Variants in ATCAY observed in about 807,000 individuals in gnomAD.
The protein encoded by ATCAY is caytaxin.
ATCAY carries 22 observed loss-of-function variants against 47.7 expected under a neutral mutation model. The ratio of observed to expected loss-of-function variants is 0.46; its 90% CI spans 0.33 to 0.66. The LOEUF is 0.66. ATCAY is among the 30% of genes least tolerant of loss of function. ATCAY has a pLI of 0.02. For missense variants in ATCAY, 452 were observed against 515.0 expected (o/e 0.88, Z 1.18); for synonymous variants, 216 against 207.6 (o/e 1.04, Z -0.35).
intron 1 of ATCAY, among the ~76,000 whole-genome samples, chr19:3,884,465 C>T (rs942212421): frequency 5.9e-5 from 9 of 152,020 alleles, no homozygotes; most frequent in Non-Finnish European, 8.8e-5. Context: ...TGGCAGATAG[C>T]GATGGGTTAG....
intron 2 of ATCAY, among the ~76,000 whole-genome samples, chr19:3,900,368 T>C (rs563882499): frequency 2.0e-5 from 3 of 151,878 alleles, no homozygotes; most frequent in Non-Finnish European, 4.4e-5. Flanking sequence ...TTGTAATTTT[T>C]GTAGAGACAG....
At chr19:3,894,241 T>C (rs2038744879) in intron 2 of ATCAY, among the ~76,000 whole-genome samples, 1 of 151,654 alleles carries the variant, frequency 6.6e-6, no homozygotes, top group South Asian at 2.1e-4. Context: ...TCCCAGCACT[T>C]TGGGAGGCCG....
At chr19:3,912,129 C>G (rs1181549418) in intron 8 of ATCAY, among the ~76,000 whole-genome samples, 2 of 152,022 alleles carry the variant, frequency 1.3e-5, no homozygotes, top group African/African-American at 2.4e-5. Context: ...GAGGTTCTTG[C>G]CATATTTTCA....
intron 2 of ATCAY, among the ~76,000 whole-genome samples, chr19:3,895,374 C>T (rs2038760265): frequency 6.6e-6 from 1 of 152,090 alleles, no homozygotes; most frequent in African/African-American, 2.4e-5. Context: ...ACCACCACAC[C>T]CAGCTAATTT....
At chr19:3,903,665 A>G (rs2038834043) in intron 3 of ATCAY, among the ~76,000 whole-genome samples, 1 of 151,766 alleles carries the variant, frequency 6.6e-6, no homozygotes, top group Non-Finnish European at 1.5e-5. Context: ...CTGGGACTAC[A>G]GGTACACACC....
intron 1 of ATCAY, among the ~76,000 whole-genome samples, chr19:3,885,031 A>G (rs771544131): frequency 3.5e-4 from 52 of 147,528 alleles, no homozygotes; most frequent in Non-Finnish European, 5.3e-4. Flanking sequence ...TAAGCCCAGG[A>G]GTTCAAGGCT....
intron 2 of ATCAY, among the ~76,000 whole-genome samples, chr19:3,890,247 ATTTTTTT>A (rs764697276): frequency 1.8e-4 from 7 of 38,548 alleles, no homozygotes; most frequent in Admixed American, 3.5e-4. Flanking sequence ...TCCACCTATA[ATTTTTTT>A]TTTTTTTTTT....
At position 3,925,722 on chromosome 19, in the gene ATCAY, G is replaced by C. The variant is rs2039061073; in HGVS notation, c.*1130G>C. The C allele has an allele frequency of 6.6e-6, 1 of 152,242 alleles. No individual in the cohort carries two copies. The highest frequency in any genetic ancestry group is 2.1e-4 in the South Asian group (1 of 4,832). 9.4% of individuals were successfully genotyped at this position (152,242 alleles called of 1,614,324 possible). A position where few individuals can be genotyped will look rare whatever the true frequency, so the allele number is the denominator to read the frequency against. ...TGTCTCTGGAAGTATTTAAGAAAAGGCTGGGCCAGGCACGATGGCTCACGC... is the reference window on the plus strand; with the variant it reads ...TGTCTCTGGAAGTATTTAAGAAAAGCCTGGGCCAGGCACGATGGCTCACGC... On this transcript the variant is annotated 3_prime_UTR_variant, in exon 13 of 13. Transcript: ENST00000450849. The surrounding 1 kb of genome is among the most constrained non-coding windows in gnomAD (Gnocchi z 4.4).
intron 1 of ATCAY, 28 bp from the exon 2 acceptor site, chr19:3,885,699 A>C (rs1402786089): frequency 7.2e-7 from 1 of 1,388,988 alleles, no homozygotes; most frequent in Non-Finnish European, 9.9e-7. Flanking sequence ...TGTCCAGTAA[A>C]ACCCATTCCT....
At chr19:3,909,401 T>C in intron 6 of ATCAY, 85 bp from the exon 7 acceptor site, 2 of 1,465,244 alleles carry the variant, frequency 1.4e-6, no homozygotes, top group South Asian at 2.6e-5. Flanking sequence ...GCGGCAGGAG[T>C]GGAGGCAGGC....
intron 2 of ATCAY, among the ~76,000 whole-genome samples, chr19:3,898,290 T>C (rs1184447330): frequency 6.6e-6 from 1 of 152,110 alleles, no homozygotes; most frequent in African/African-American, 2.4e-5. Flanking sequence ...GTTAGAGCAA[T>C]CCTCCTGCCT....
At position 3,907,582 on chromosome 19, in the gene ATCAY, A is replaced by G. The variant is rs928152314; in HGVS notation, c.359-152A>G. Among the ~76,000 whole-genome samples the G allele has an allele frequency of 3.9e-5, 6 of 152,176 alleles. No individual in the cohort carries two copies. Among genetic ancestry groups the G allele is most frequent in the Non-Finnish European group, 8.8e-5 (6 of 68,036 alleles). ...GCCTTGAAAGGGGAGTAGGAGAGGA[A>G]AATGGGTCAGCAGGGCAGCCAGGTG... On this transcript the variant is annotated intron_variant, in intron 4 of 12. Transcript: ENST00000450849. The surrounding 1 kb of genome is among the most constrained non-coding windows in gnomAD (Gnocchi z 5.1).
At chr19:3,892,622 C>G (rs1405816364) in intron 2 of ATCAY, among the ~76,000 whole-genome samples, 1 of 152,136 alleles carries the variant, frequency 6.6e-6, no homozygotes, top group Admixed American at 6.6e-5. Flanking sequence ...AGTCAGCCCT[C>G]AGGGCTGGGT....
chr19:3,885,734 C>A lies in ATCAY; in HGVS notation c.-34C>A. ...TCTGCGGCTTCCTTTCAGGGGTCAT[C>A]CCTGCTTCAAGCCAGTGCCTCTTCC... On this transcript the variant is annotated 5_prime_UTR_variant, in exon 2 of 13. Transcript: ENST00000450849. 1 of 1,544,390 alleles carries A rather than the reference C, an allele frequency of 6.5e-7. No individual in the cohort carries two copies. The highest frequency in any genetic ancestry group is 8.8e-7 in the Non-Finnish European group (1 of 1,141,444).
intron 2 of ATCAY, among the ~76,000 whole-genome samples, chr19:3,887,149 C>G (rs1262209871): frequency 6.6e-6 from 1 of 152,080 alleles, no homozygotes; most frequent in Non-Finnish European, 1.5e-5. Context: ...AGGTGCTGAT[C>G]ACTGGTCAGA....
intron 4 of ATCAY, among the ~76,000 whole-genome samples, chr19:3,906,304 G>GT (rs59261448): frequency 0.039 from 5,259 of 135,230 alleles, 157 homozygotes; most frequent in Admixed American, 0.083. Flanking sequence ...TCCTGCGACT[G>GT]TTTTTTTTTT....
intron 1 of ATCAY, among the ~76,000 whole-genome samples, chr19:3,881,870 C>CA (rs1004449762): frequency 3.7e-5 from 5 of 135,582 alleles, no homozygotes; most frequent in African/African-American, 1.7e-4. Context: ...GCCACCGCCC[C>CA]CCCCCCGACC....
chr19:3,892,604 T>G (rs1298477231), intron 2 of ATCAY, among the ~76,000 whole-genome samples: 1 of 152,160 alleles, frequency 6.6e-6, no homozygotes, highest in African/African-American at 2.4e-5. Flanking sequence ...TTGCTCCTTT[T>G]ATATCAAAGT....
At chr19:3,913,881 GC>G in intron 9 of ATCAY, 25 bp downstream of exon 9, 1 of 1,582,768 alleles carries the variant, frequency 6.3e-7, no homozygotes, top group Non-Finnish European at 8.7e-7. Flanking sequence ...AGTCCACCCC[GC>G]CGTATTAGTC....
Sources: gnomAD v4.1 joint callset for allele counts (sites outside exome capture counted in the v4.1 genomes callset) on GRCh38, gnomAD v4.1.1 for gene constraint, Gnocchi (gnomAD v3.1) non-coding constraint, MANE v1.5 for transcripts, NCBI Gene and HGNC (gene_info 2026-07-23, HGNC 2026-07-21) for gene names.